The following KCNJ6 variants were observed in gnomAD, a reference collection of about 807,000 sequenced individuals.
KCNJ6 encodes potassium inwardly rectifying channel subfamily J member 6, also known as G protein-activated inward rectifier potassium channel 2.
In KCNJ6, 9 loss-of-function variants were observed where a neutral mutation model predicts 34.2. That is an observed-to-expected ratio of 0.26 (90% CI 0.16 to 0.46). KCNJ6 has a LOEUF of 0.46. Among genes scored for constraint, KCNJ6 ranks in the 20% least tolerant of loss-of-function variants. KCNJ6 has a pLI of 1.00. For synonymous variants in KCNJ6, 196 were observed against 207.1 expected (o/e 0.95, Z 0.46); for missense variants, 236 against 531.3 (o/e 0.44, Z 5.46).
intron 1 of KCNJ6, among the ~76,000 whole-genome samples, chr21:37,841,779 T>C (rs1413426828): frequency 1.3e-5 from 2 of 152,234 alleles, no homozygotes; most frequent in Admixed American, 6.5e-5. Context: ...ATAGTATTCA[T>C]CATGGATTAT....
At chr21:37,858,280 C>G (rs2055575185) in intron 1 of KCNJ6, among the ~76,000 whole-genome samples, 1 of 148,246 alleles carries the variant, frequency 6.7e-6, no homozygotes, top group East Asian at 2.1e-4. Context: ...GTAGTCCCAG[C>G]TACTCGGGAG....
intron 1 of KCNJ6, among the ~76,000 whole-genome samples, chr21:37,915,651 C>T (rs1423122901): frequency 6.6e-6 from 1 of 152,264 alleles, no homozygotes; most frequent in Non-Finnish European, 1.5e-5. Flanking sequence ...CCCCGCCCCC[C>T]GTGCGAGTTT....
intron 2 of KCNJ6, among the ~76,000 whole-genome samples, chr21:37,754,090 A>T (rs955067407): frequency 6.6e-6 from 1 of 152,246 alleles, no homozygotes; most frequent in Non-Finnish European, 1.5e-5. Context: ...CAACCAGCTA[A>T]TAATTAAACC....
chr21:37,768,990 G>C lies in KCNJ6; in HGVS notation c.26-53859C>G, dbSNP rs1254343043. On this transcript the variant is annotated intron_variant, in intron 2 of 3. Transcript: ENST00000609713. ...TTTAGGAGAAAGTACCAACTTTGAT[G>C]AATCAGCCTGAGGAAGTCCAACCTA... Among the ~76,000 whole-genome samples, 6 of 152,226 alleles carry C rather than the reference G, an allele frequency of 3.9e-5. No individual in the cohort carries two copies. The East Asian group carries it at 1.2e-3, about 29-fold the overall frequency.
intron 3 of KCNJ6, among the ~76,000 whole-genome samples, chr21:37,676,778 G>C (rs1055145179): frequency 2.0e-5 from 3 of 152,244 alleles, no homozygotes; most frequent in African/African-American, 7.2e-5. Flanking sequence ...GGCCAGGAAT[G>C]CTGCACACAG....
chr21:37,882,650 G>C (rs1299576762), intron 1 of KCNJ6, among the ~76,000 whole-genome samples: 1 of 152,190 alleles, frequency 6.6e-6, no homozygotes, highest in Non-Finnish European at 1.5e-5. Flanking sequence ...TGTGAGAATG[G>C]ACAAGCTCCA....
In KCNJ6 at chr21:37,714,520, T is replaced by G; in HGVS notation, c.637A>C (p.Met213Leu). Residue 213 changes from methionine (M) to leucine (L), a missense_variant, in exon 3 of 4, where the codon ATG (methionine) becomes CTG (leucine). Around this residue, in one of 5 missense-constraint regions of KCNJ6, gnomAD observed 60 missense variants for 207.3 expected, o/e 0.29. Coordinates refer to ENST00000609713, the MANE Select transcript of KCNJ6 (RefSeq NM_002240.5). This position sits in a 1 kb window ranked among gnomAD's most constrained non-coding sequence, Gnocchi z 5.9. The stretch of plus-strand genomic sequence containing the variant: ...ATCAGGCACAGTTTCCCATCCCGCA[T>G]GGAGATCACTGCATGGGTGGAAAAG... ...LVFSTHAVISMRDGKLCLMFR... is the reference protein window; with the variant it reads ...LVFSTHAVISLRDGKLCLMFR... 6.2e-7 allele frequency: 1 copy of G among 1,614,166 alleles called. No homozygotes were observed. The highest frequency in any genetic ancestry group is 8.5e-7 in the Non-Finnish European group (1 of 1,180,018).
At chr21:37,775,270 A>G (rs1159899802) in intron 2 of KCNJ6, among the ~76,000 whole-genome samples, 2 of 152,120 alleles carry the variant, frequency 1.3e-5, no homozygotes, top group Non-Finnish European at 1.5e-5. Context: ...AGGTGAGTAG[A>G]TTGCAAAAAT....
chr21:37,811,250 C>T (rs1023784802), intron 2 of KCNJ6, among the ~76,000 whole-genome samples: 2 of 152,172 alleles, frequency 1.3e-5, no homozygotes, highest in Admixed American at 1.3e-4. Context: ...TGTGCATCTC[C>T]TCATCTGTAT....
intron 3 of KCNJ6, among the ~76,000 whole-genome samples, chr21:37,705,036 C>T (rs2054712456): frequency 6.6e-6 from 1 of 152,118 alleles, no homozygotes; most frequent in Non-Finnish European, 1.5e-5. Flanking sequence ...TCAAGGGACT[C>T]AATGCCAACT....
Position 37,611,812 on chromosome 21 carries a change from A to G in KCNJ6, c.*13347T>C, listed in dbSNP as rs2054243686. The G allele has an allele frequency of 6.6e-6, 1 of 152,132 alleles. No individual in the cohort carries two copies. Among genetic ancestry groups the G allele is most frequent in the Non-Finnish European group, 1.5e-5 (1 of 68,014 alleles). 9.4% of individuals were successfully genotyped at this position (152,132 alleles called of 1,614,324 possible). On this transcript the variant is annotated 3_prime_UTR_variant, in exon 4 of 4. Coordinates refer to ENST00000609713, the MANE Select transcript of KCNJ6 (RefSeq NM_002240.5). ...AAAACACTCAGTAAAGCAGGAATAG[A>G]GGAGAAGCCCCTCAACCTGATAAAC...
chr21:37,684,816 G>A (rs904064533), intron 3 of KCNJ6, among the ~76,000 whole-genome samples: 1 of 152,202 alleles, frequency 6.6e-6, no homozygotes, highest in Non-Finnish European at 1.5e-5. Context: ...AAATTAAACT[G>A]TTGAAAGCAC....
intron 3 of KCNJ6, among the ~76,000 whole-genome samples, chr21:37,659,032 TG>T (rs2054476564): frequency 6.6e-6 from 1 of 152,258 alleles, no homozygotes; most frequent in African/African-American, 2.4e-5. Context: ...TCAAACAAGA[TG>T]TTTTTAAAAT....
At chr21:37,650,599 C>A (rs774874481) in intron 3 of KCNJ6, among the ~76,000 whole-genome samples, 1 of 152,196 alleles carries the variant, frequency 6.6e-6, no homozygotes, top group Non-Finnish European at 1.5e-5. Flanking sequence ...TTTTAGGAGG[C>A]CTCTCTGAGC....
At chr21:37,877,640 T>C (rs1568881924) in intron 1 of KCNJ6, among the ~76,000 whole-genome samples, 1 of 151,944 alleles carries the variant, frequency 6.6e-6, no homozygotes, top group African/African-American at 2.4e-5. Flanking sequence ...AGTTGGCTCT[T>C]CCTTATGGAA....
At chr21:37,717,632 C>T (rs534679222) in intron 2 of KCNJ6, among the ~76,000 whole-genome samples, 13 of 152,214 alleles carry the variant, frequency 8.5e-5, no homozygotes, top group Non-Finnish European at 1.5e-4. Flanking sequence ...TTATATGGAA[C>T]GGTGTCTGGG....
chr21:37,736,168 A>G (rs59673172), intron 2 of KCNJ6, among the ~76,000 whole-genome samples: 11,248 of 148,234 alleles, frequency 0.076, 444 homozygotes, highest in African/African-American at 0.095. Flanking sequence ...TCTACCAGGC[A>G]CCTCCTGTGT....
intron 2 of KCNJ6, among the ~76,000 whole-genome samples, chr21:37,718,683 G>A (rs1229389991): frequency 6.6e-6 from 1 of 152,078 alleles, no homozygotes; most frequent in East Asian, 1.9e-4. Context: ...GGGGATTGGG[G>A]GAGGGATAGT....
chr21:37,733,333 CG>C (rs148988784), intron 2 of KCNJ6, among the ~76,000 whole-genome samples: 22,152 of 152,090 alleles, frequency 0.15, 2,132 homozygotes, highest in African/African-American at 0.28. Flanking sequence ...GTTGGTATTT[CG>C]GGGGTCTTTT....
Sources: allele counts gnomAD v4.1 joint callset (sites outside exome capture counted in the v4.1 genomes callset), GRCh38; gene constraint gnomAD v4.1.1; regional missense constraint gnomAD v4.1.1; non-coding constraint Gnocchi (gnomAD v3.1); transcripts MANE v1.5; gene names NCBI Gene and HGNC (gene_info 2026-07-23, HGNC 2026-07-21).